Variants in UNC93A observed in about 807,000 individuals in gnomAD.
UNC93A encodes unc-93 homolog A.
Under a neutral mutation model 47.5 loss-of-function variants are expected in UNC93A, and 43 were observed. The observed-to-expected ratio is 0.91, with a 90% CI of 0.71 to 1.17. UNC93A has a LOEUF of 1.17. Among genes scored for constraint, UNC93A ranks in the 50% most tolerant of loss-of-function variants. UNC93A has a pLI of 0.00. For missense variants in UNC93A, 605 were observed against 577.6 expected, an observed-to-expected ratio of 1.05 and a Z score of -0.49; for synonymous variants, 280 against 258.0, an observed-to-expected ratio of 1.09 and a Z score of -0.82.
At chr6:167,304,178 T>A (rs754990073) in intron 5 of UNC93A, 45 bp downstream of exon 5, 1 of 1,601,294 alleles carries the variant, frequency 6.2e-7, no homozygotes, top group Non-Finnish European at 8.5e-7. Context: ...ATGCGTGGCA[T>A]CACTGCCTTG....
Position 167,305,138 on chromosome 6 carries a change from A to G in UNC93A, c.841-777A>G, listed in dbSNP as rs147606026. On this transcript the variant is annotated intron_variant, in intron 5 of 7. Transcript: ENST00000230256. The stretch of plus-strand genomic sequence containing the variant: ...CCCAGGCAAGGCTGCCAACTTAGCA[A>G]GATAAAAAGCACCTCAGCAGGTAGA... Among the ~76,000 whole-genome samples the G allele has an allele frequency of 3.0e-3, 461 of 152,238 alleles. 4 individuals carry two copies. Among genetic ancestry groups the G allele is most frequent in the African/African-American group, 0.01 (435 of 41,506 alleles).
chr6:167,291,359 C>T lies in UNC93A; in HGVS notation c.-131C>T. ...AATGACTAACACACCTCTAACATTT[C>T]ACCTCTAGCTCAGATGAGAGAGAGA... On this transcript the variant is annotated 5_prime_UTR_variant, in exon 1 of 8. Coordinates refer to ENST00000230256, the MANE Select transcript of UNC93A (RefSeq NM_018974.4). 1.4e-6 allele frequency: 1 copy of T among 697,040 alleles called. No homozygotes were observed. The highest frequency in any genetic ancestry group is 2.3e-6 in the Non-Finnish European group (1 of 425,990). 43.2% of individuals were successfully genotyped at this position (697,040 alleles called of 1,614,324 possible).
chr6:167,292,852 A>G (rs1355834385), intron 1 of UNC93A, among the ~76,000 whole-genome samples: 2 of 152,166 alleles, frequency 1.3e-5, no homozygotes, highest in Non-Finnish European at 2.9e-5. Flanking sequence ...ACCTGCCTGC[A>G]GAAGGAGACC....
chr6:167,272,935 G>A (rs561853669), intron 1 of UNC93A, among the ~76,000 whole-genome samples: 2 of 152,178 alleles, frequency 1.3e-5, no homozygotes, highest in South Asian at 2.1e-4. Context: ...ACTTCCCGTC[G>A]TGGCCTGAAC....
intron 1 of UNC93A, among the ~76,000 whole-genome samples, chr6:167,274,299 A>C (rs1270985726): frequency 8.5e-5 from 13 of 152,176 alleles, no homozygotes; most frequent in Admixed American, 8.5e-4. Context: ...GCACAGACTT[A>C]TGTTCTTGAC....
intron 1 of UNC93A, among the ~76,000 whole-genome samples, chr6:167,285,217 G>GC (rs146889014): frequency 0.13 from 20,261 of 151,798 alleles, 2,089 homozygotes; most frequent in East Asian, 0.29. Context: ...ACACAGGCTG[G>GC]CCCTGAGCCA....
intron 1 of UNC93A, among the ~76,000 whole-genome samples, chr6:167,274,460 C>G (rs546016559): frequency 4.3e-4 from 65 of 152,060 alleles, no homozygotes; most frequent in Non-Finnish European, 2.8e-4. Flanking sequence ...TCATCCTGTT[C>G]TTCTTCTTCC....
rs771476340 is a variant in UNC93A, at chr6:167,294,528, C to T, written c.99C>T (p.Tyr33=). The T allele has an allele frequency of 1.8e-5, 29 of 1,613,946 alleles. No homozygotes were observed. The highest frequency in any genetic ancestry group is 1.0e-4 in the Admixed American group (6 of 60,004). Residue 33 remains tyrosine, a synonymous_variant, in exon 2 of 8, where the codon TAC becomes TAT. Transcript: ENST00000230256. ...GGLQSLQSSL[Y]SEEGLGVTAL... is the part of the protein sequence containing the mutation. ...CTTTGTTCCCACAGAGCAGCCTGTACAGCGAGGAGGGCCTGGGTGTCACAG... is the reference window on the plus strand; with the variant it reads ...CTTTGTTCCCACAGAGCAGCCTGTATAGCGAGGAGGGCCTGGGTGTCACAG...
Position 167,294,583 on chromosome 6 carries a change from C to T in UNC93A, c.154C>T (p.Leu52=), listed in dbSNP as rs537103637. Reference sequence around the variant, plus strand: ...CAGCACCCTCTATGGAGGCATGCTCCTGTCCTCCATGTTCCTCCCACCGCT... The same window carrying T: ...CAGCACCCTCTATGGAGGCATGCTCTTGTCCTCCATGTTCCTCCCACCGCT... ...ALSTLYGGML[L]SSMFLPPLLI... is the part of the protein sequence containing the mutation. Residue 52 remains leucine, a synonymous_variant, in exon 2 of 8, where the codon CTG becomes TTG. Transcript: ENST00000230256. The T allele has an allele frequency of 6.2e-7, 1 of 1,614,052 alleles. No homozygotes were observed. Among genetic ancestry groups the T allele is most frequent in the Non-Finnish European group, 8.5e-7 (1 of 1,179,974 alleles).
At chr6:167,273,245 G>A (rs1278510354) in intron 1 of UNC93A, among the ~76,000 whole-genome samples, 3 of 152,006 alleles carry the variant, frequency 2.0e-5, no homozygotes, top group African/African-American at 7.3e-5. Flanking sequence ...CACCATGACT[G>A]CTCATCTTTT....
rs186595829 is a variant in UNC93A at position 167,315,667 on chromosome 6, G to T, written c.*215G>T. On this transcript the variant is annotated 3_prime_UTR_variant, in exon 8 of 8. Transcript: ENST00000230256. ...ACAGAGATCAAGTGTATACATGAAG[G>T]TATCAGTTCATTTAATTTTAGATGC... The T allele has an allele frequency of 2.4e-3, 1,297 of 535,704 alleles. 3 individuals are homozygous for T. The highest frequency in any genetic ancestry group is 3.3e-3 in the Non-Finnish European group (1,067 of 322,518). The allele number at this position is 535,704 out of a possible 1,614,324, so 33.2% of individuals were successfully genotyped here. A position where few individuals can be genotyped will look rare whatever the true frequency, so the allele number is the denominator to read the frequency against.
chr6:167,299,927 G>A (rs947222356), intron 4 of UNC93A, among the ~76,000 whole-genome samples: 2 of 152,234 alleles, frequency 1.3e-5, no homozygotes, highest in Admixed American at 6.5e-5. Context: ...TGACTTAGAG[G>A]TGCAGAGAGA....
rs1783837912 is a variant in UNC93A, at chr6:167,291,446, C to T, written c.-44C>T. ...TCAATTGGTTTCTTTTAGGGAGCTA[C>T]AAATTTACGTGTTCACTGGTGATTG... On this transcript the variant is annotated 5_prime_UTR_variant, in exon 1 of 8. The change creates a premature stop within an existing upstream ORF in the 5' untranslated region. Coordinates refer to ENST00000230256, the MANE Select transcript of UNC93A (RefSeq NM_018974.4). The T allele has an allele frequency of 1.3e-6, 2 of 1,586,578 alleles. No homozygotes were observed. Among genetic ancestry groups the T allele is most frequent in the African/African-American group, 1.4e-5 (1 of 73,640 alleles).
chr6:167,312,275 C>A (rs2115183764), intron 7 of UNC93A, among the ~76,000 whole-genome samples: 1 of 151,174 alleles, frequency 6.6e-6, no homozygotes, highest in East Asian at 2.0e-4. Context: ...GCGATGTTAA[C>A]CTTGATCCCG....
chr6:167,310,603 G>A (rs1014569892), intron 7 of UNC93A, among the ~76,000 whole-genome samples: 18 of 151,222 alleles, frequency 1.2e-4, no homozygotes, highest in African/African-American at 3.6e-4. Context: ...CAAACTGGCC[G>A]GGTGCGGTGT....
At chr6:167,306,583 G>A (rs940711653) in intron 6 of UNC93A, among the ~76,000 whole-genome samples, 1 of 152,192 alleles carries the variant, frequency 6.6e-6, no homozygotes, top group Non-Finnish European at 1.5e-5. Flanking sequence ...CAGGCACTAC[G>A]AAAAACAGCG....
In UNC93A at chr6:167,304,172, G is replaced by A. The variant is rs766224347; in HGVS notation, c.840+39G>A. 3.6e-5 allele frequency: 58 copies of A among 1,604,582 alleles called. 1 individual carries two copies. The highest frequency in any genetic ancestry group is 9.4e-5 in the African/African-American group (7 of 74,728). The stretch of plus-strand genomic sequence containing the variant: ...TGAGGGCCGGTGGCTCAGGCCATGC[G>A]TGGCATCACTGCCTTGCCTGTGTCT... On this transcript the variant is annotated intron_variant, in intron 5 of 7. Coordinates refer to ENST00000230256, the MANE Select transcript of UNC93A (RefSeq NM_018974.4).
intron 2 of UNC93A, among the ~76,000 whole-genome samples, 174 bp from the exon 3 acceptor site, chr6:167,295,858 A>AT (rs1166202703): frequency 9.2e-5 from 14 of 152,220 alleles, no homozygotes; most frequent in African/African-American, 2.9e-4. Context: ...GATATTGCTC[A>AT]TTTTTCTGAG....
At chr6:167,273,813 A>C (rs1374061573) in intron 1 of UNC93A, among the ~76,000 whole-genome samples, 2 of 150,254 alleles carry the variant, frequency 1.3e-5, no homozygotes, top group Non-Finnish European at 1.5e-5. Context: ...GAAAGAGTTC[A>C]TCTAAAGACC....
Sources: allele counts gnomAD v4.1 joint callset (sites outside exome capture counted in the v4.1 genomes callset), GRCh38; gene constraint gnomAD v4.1.1; transcripts MANE v1.5; gene names NCBI Gene and HGNC (gene_info 2026-07-23, HGNC 2026-07-21).